The following CFAP221 variants were observed in gnomAD, a reference collection of about 807,000 sequenced individuals.
CFAP221 encodes cilia- and flagella-associated protein 221.
A neutral mutation model predicts 113.1 loss-of-function variants in CFAP221; 97 were observed. That is an observed-to-expected ratio of 0.86 (90% CI 0.73 to 1.02). The LOEUF (loss-of-function observed/expected upper bound fraction) is 1.02. Among genes scored for constraint, CFAP221 ranks in the 50% least tolerant of loss-of-function variants. The probability of loss-of-function intolerance (pLI) is 0.00; values close to 1 mark genes in which losing one functional copy is unlikely to be tolerated. For synonymous variants in CFAP221, 331 were observed against 354.4 expected, an observed-to-expected ratio of 0.93 and a Z score of 0.74; for missense variants, 1,025 against 1,013.4, an observed-to-expected ratio of 1.01 and a Z score of -0.16.
At chr2:119,589,431 C>T (rs573047023) in intron 7 of CFAP221, among the ~76,000 whole-genome samples, 3 of 152,346 alleles carry the variant, frequency 2.0e-5, no homozygotes, top group Admixed American at 1.3e-4. Flanking sequence ...GGCCACAAGG[C>T]ATTATTGCCT....
At chr2:119,656,921 G>A (rs965994391), downstream of CFAP221, among the ~76,000 whole-genome samples, 15 of 152,096 alleles carry the variant, frequency 9.9e-5, no homozygotes, top group African/African-American at 3.6e-4. Context: ...CTGTGCAGGT[G>A]GCAGACAGTG....
chr2:119,626,813 C>T (rs1439317880), intron 15 of CFAP221, among the ~76,000 whole-genome samples: 1 of 151,746 alleles, frequency 6.6e-6, no homozygotes, highest in Non-Finnish European at 1.5e-5. Flanking sequence ...GCCTGTAGTC[C>T]CAGCTACTCA....
intron 13 of CFAP221, among the ~76,000 whole-genome samples, chr2:119,614,421 A>G (rs559679342): frequency 6.6e-6 from 1 of 152,238 alleles, no homozygotes; most frequent in Non-Finnish European, 1.5e-5. Context: ...TGGGTAATTT[A>G]TAAAGGAAAG....
At chr2:119,624,205 T>C (rs1194400583) in intron 14 of CFAP221, among the ~76,000 whole-genome samples, 2 of 151,948 alleles carry the variant, frequency 1.3e-5, no homozygotes, top group Non-Finnish European at 2.9e-5. Context: ...AAAAAATGGG[T>C]GAAGTATATG....
chr2:119,638,716 C>T (rs1362982264), intron 20 of CFAP221, among the ~76,000 whole-genome samples: 1 of 152,158 alleles, frequency 6.6e-6, no homozygotes. Context: ...AACAGCCACA[C>T]GGTATGCACA....
intron 14 of CFAP221, among the ~76,000 whole-genome samples, chr2:119,621,485 G>A (rs188332847): frequency 6.6e-6 from 1 of 152,026 alleles, no homozygotes; most frequent in Non-Finnish European, 1.5e-5. Flanking sequence ...AAGATCAATG[G>A]GACAGAAAAT....
At chr2:119,628,483 A>C (rs762702294) in intron 16 of CFAP221, among the ~76,000 whole-genome samples, 1 of 152,214 alleles carries the variant, frequency 6.6e-6, no homozygotes, top group Non-Finnish European at 1.5e-5. Flanking sequence ...GGTTCATCTC[A>C]TTTAATCTTC....
chr2:119,635,082 A>G (rs562564722), intron 19 of CFAP221, among the ~76,000 whole-genome samples: 22 of 152,372 alleles, frequency 1.4e-4, no homozygotes, highest in African/African-American at 5.0e-4. Context: ...TCACCAAAGA[A>G]GATATACAGA....
chr2:119,600,072 G>A (rs1024759990), intron 7 of CFAP221, among the ~76,000 whole-genome samples: 3 of 152,136 alleles, frequency 2.0e-5, no homozygotes, highest in African/African-American at 7.2e-5. Context: ...AGGGCAGACG[G>A]TCTCATCTAG....
chr2:119,569,665 T>C (rs775802595), intron 6 of CFAP221, among the ~76,000 whole-genome samples: 1 of 152,158 alleles, frequency 6.6e-6, no homozygotes, highest in Non-Finnish European at 1.5e-5. Flanking sequence ...TTTTTGGATA[T>C]TCTGTTTTTG....
intron 16 of CFAP221, among the ~76,000 whole-genome samples, chr2:119,629,567 A>C (rs1286684047): frequency 6.6e-6 from 1 of 152,162 alleles, no homozygotes; most frequent in Non-Finnish European, 1.5e-5. Context: ...TTCTATCCCT[A>C]CACTCCTGGC....
At chr2:119,606,171 T>G (rs1268132678) in intron 11 of CFAP221, among the ~76,000 whole-genome samples, 1 of 137,796 alleles carries the variant, frequency 7.3e-6, no homozygotes. Flanking sequence ...GCCCAGCAAA[T>G]TTTTTTTTTT....
Position 119,560,044 on chromosome 2 carries a change from GCTTTT to G in CFAP221, c.426+19_426+23del. 1 of 1,070,650 alleles carries G rather than the reference GCTTTT, an allele frequency of 9.3e-7. No homozygotes were observed. Among genetic ancestry groups the G allele is most frequent in the Non-Finnish European group, 1.2e-6 (1 of 811,262 alleles). 66.3% of individuals were successfully genotyped at this position (1,070,650 alleles called of 1,614,324 possible). A position where few individuals can be genotyped will look rare whatever the true frequency, so the allele number is the denominator to read the frequency against. On this transcript the variant is annotated intron_variant, in intron 5 of 23. Coordinates refer to ENST00000413369, the MANE Select transcript of CFAP221 (RefSeq NM_001271049.2). ...ACTGTAAGGTAGGTCTCTTAAAATTGCTTTTTTTTTTTTTTTTTTTTGATGGTGGG... is the reference window on the plus strand; with the variant it reads ...ACTGTAAGGTAGGTCTCTTAAAATTGTTTTTTTTTTTTTTTTGATGGTGGG...
chr2:119,625,446 T>A (rs1686231751), intron 14 of CFAP221, 137 bp from the exon 15 acceptor site: 1 of 707,808 alleles, frequency 1.4e-6, no homozygotes, highest in Non-Finnish European at 2.4e-6. Context: ...GAGAGTAGCA[T>A]GCCACACTCC....
chr2:119,597,329 C>A (rs1684052295), intron 7 of CFAP221, among the ~76,000 whole-genome samples: 1 of 152,224 alleles, frequency 6.6e-6, no homozygotes. Flanking sequence ...CTGTTGCCCA[C>A]ACTCCCTGGG....
At chr2:119,618,234 G>C (rs1033271519) in intron 14 of CFAP221, among the ~76,000 whole-genome samples, 3 of 152,230 alleles carry the variant, frequency 2.0e-5, no homozygotes, top group Non-Finnish European at 4.4e-5. Context: ...GCCTTGCACA[G>C]GACAGGGCAC....
intron 7 of CFAP221, chr2:119,590,212 C>T (rs958372773): frequency 1.3e-5 from 2 of 152,118 alleles, no homozygotes; most frequent in African/African-American, 2.4e-5. Flanking sequence ...AGTTCATTCT[C>T]TTTTTTTAAT....
chr2:119,587,247 T>A (rs1212059635), intron 7 of CFAP221, 25 bp downstream of exon 7: 1 of 1,431,298 alleles, frequency 7.0e-7, no homozygotes, highest in Middle Eastern at 1.7e-4. Flanking sequence ...GATTTCAAGT[T>A]CTAAAAACAA....
intron 7 of CFAP221, among the ~76,000 whole-genome samples, chr2:119,599,766 T>G (rs1684239032): frequency 6.6e-6 from 1 of 152,212 alleles, no homozygotes; most frequent in Non-Finnish European, 1.5e-5. Flanking sequence ...TATGTTCATT[T>G]GTTTATTTAT....
Sources: gnomAD v4.1 joint callset for allele counts (sites outside exome capture counted in the v4.1 genomes callset) on GRCh38, gnomAD v4.1.1 for gene constraint, MANE v1.5 for transcripts, NCBI Gene and HGNC (gene_info 2026-07-23, HGNC 2026-07-21) for gene names.